The following BBOX1 variants were observed in gnomAD, a reference collection of about 807,000 sequenced individuals.
The protein encoded by BBOX1 is gamma-butyrobetaine dioxygenase.
In BBOX1, 35 loss-of-function variants were observed where a neutral mutation model predicts 41.6. The observed-to-expected ratio is 0.84, with a 90% CI of 0.64 to 1.11. The LOEUF is 1.11. Ranked by LOEUF, BBOX1 falls within the 50% of genes most tolerant of loss-of-function variation. BBOX1 has a pLI of 0.00. For synonymous variants in BBOX1, 163 were observed against 154.7 expected (o/e 1.05, Z -0.40); for missense variants, 458 against 460.6 (o/e 0.99, Z 0.05).
Position 27,055,424 on chromosome 11 carries a change from C to A in BBOX1, c.-7C>A. 6.2e-7 allele frequency: 1 copy of A among 1,611,770 alleles called. No homozygotes were observed. Among genetic ancestry groups the A allele is most frequent in the Non-Finnish European group, 8.5e-7 (1 of 1,179,038 alleles). On this transcript the variant is annotated 5_prime_UTR_variant, in exon 3 of 9. Transcript: ENST00000263182. ...GCTGACAGCATCTACTCCTGAAGAC[C>A]GGAAACATGGCTTGTACCATCCAAA...
intron 7 of BBOX1, 54 bp downstream of exon 7, chr11:27,119,899 T>G (rs1859404293): frequency 2.7e-6 from 3 of 1,114,338 alleles, no homozygotes; most frequent in African/African-American, 3.2e-5. Flanking sequence ...CAACAAAAGA[T>G]CCACTAATCT....
At chr11:27,075,379 A>G (rs7113071) in intron 4 of BBOX1, among the ~76,000 whole-genome samples, 137,314 of 152,130 alleles carry the variant, frequency 0.9, 62,173 homozygotes, top group East Asian at 0.94. Context: ...CCCCAATGGT[A>G]TGCACATTTT....
intron 5 of BBOX1, among the ~76,000 whole-genome samples, chr11:27,100,560 T>C (rs1445955487): frequency 6.6e-6 from 1 of 152,126 alleles, no homozygotes. Context: ...AAAATGTGTA[T>C]TCTAGTAAGT....
At chr11:27,112,602 TAAG>T (rs951843669) in intron 5 of BBOX1, among the ~76,000 whole-genome samples, 8 of 152,050 alleles carry the variant, frequency 5.3e-5, no homozygotes, top group African/African-American at 1.9e-4. Flanking sequence ...TGGATAGCCA[TAAG>T]AAGAAGATTG....
intron 2 of BBOX1, among the ~76,000 whole-genome samples, chr11:27,048,749 C>CTTTTT (rs35376713): frequency 7.5e-6 from 1 of 132,966 alleles, no homozygotes; most frequent in Non-Finnish European, 1.6e-5. Flanking sequence ...AATGGTAGTT[C>CTTTTT]TTTTTTTTTT....
intron 2 of BBOX1, among the ~76,000 whole-genome samples, chr11:27,048,541 GA>G (rs1851564731): frequency 6.6e-6 from 1 of 151,344 alleles, no homozygotes; most frequent in South Asian, 2.1e-4. Context: ...ATGATAGATA[GA>G]TAGATAGATA....
At chr11:27,073,179 A>G (rs1857515056) in intron 4 of BBOX1, among the ~76,000 whole-genome samples, 1 of 152,222 alleles carries the variant, frequency 6.6e-6, no homozygotes. Context: ...ACAAAGGGCT[A>G]ATATCCAGAA....
intron 5 of BBOX1, among the ~76,000 whole-genome samples, chr11:27,104,574 G>C (rs1401478380): frequency 6.6e-6 from 1 of 152,084 alleles, no homozygotes; most frequent in Non-Finnish European, 1.5e-5. Context: ...TTTCGTATTA[G>C]TTTAATGGAT....
chr11:27,070,229 G>A (rs1027356961), intron 4 of BBOX1, among the ~76,000 whole-genome samples: 2 of 152,102 alleles, frequency 1.3e-5, no homozygotes, highest in South Asian at 2.1e-4. Context: ...GTAAGAATGT[G>A]TGTTCTGCAG....
At chr11:27,095,871 G>A (rs1238025709) in intron 5 of BBOX1, among the ~76,000 whole-genome samples, 3 of 151,920 alleles carry the variant, frequency 2.0e-5, no homozygotes, top group Non-Finnish European at 4.4e-5. Flanking sequence ...TGAAGTCTGG[G>A]TAACGTAGAT....
At chr11:27,080,575 G>T (rs574025933) in intron 4 of BBOX1, among the ~76,000 whole-genome samples, 20 of 152,100 alleles carry the variant, frequency 1.3e-4, no homozygotes, top group African/African-American at 4.3e-4. Flanking sequence ...TTTACATTTT[G>T]GTAGAGAAAG....
intron 4 of BBOX1, among the ~76,000 whole-genome samples, chr11:27,060,976 T>G (rs1280289316): frequency 6.6e-6 from 1 of 152,206 alleles, no homozygotes; most frequent in African/African-American, 2.4e-5. Flanking sequence ...GTACCGATTG[T>G]CTGGGTCACA....
At chr11:27,099,334 G>C (rs1201185510) in intron 5 of BBOX1, among the ~76,000 whole-genome samples, 1 of 151,872 alleles carries the variant, frequency 6.6e-6, no homozygotes, top group Admixed American at 6.6e-5. Context: ...GGTTACACTG[G>C]TAAGAATAAT....
chr11:27,042,015 T>C (rs1851358844), intron 2 of BBOX1, among the ~76,000 whole-genome samples: 1 of 152,188 alleles, frequency 6.6e-6, no homozygotes, highest in Non-Finnish European at 1.5e-5. Flanking sequence ...ATGCACATCT[T>C]CAATTGTTTT....
At chr11:27,086,846 C>T (rs928336865) in intron 4 of BBOX1, among the ~76,000 whole-genome samples, 1 of 152,012 alleles carries the variant, frequency 6.6e-6, no homozygotes, top group Non-Finnish European at 1.5e-5. Flanking sequence ...AAAATACTAA[C>T]ATTAACAGGA....
chr11:27,094,285 T>G (rs1040060029), intron 5 of BBOX1, among the ~76,000 whole-genome samples: 2 of 151,930 alleles, frequency 1.3e-5, no homozygotes, highest in Admixed American at 6.6e-5. Flanking sequence ...TTCTTTAGAG[T>G]GAGTCCCTTA....
At chr11:27,099,281 T>C (rs1858557285) in intron 5 of BBOX1, among the ~76,000 whole-genome samples, 1 of 151,998 alleles carries the variant, frequency 6.6e-6, no homozygotes, top group Admixed American at 6.6e-5. Context: ...TAAGAATGTT[T>C]TATTTGCTGG....
chr11:27,122,813 C>T (rs570606165), intron 7 of BBOX1, among the ~76,000 whole-genome samples: 1 of 152,010 alleles, frequency 6.6e-6, no homozygotes, highest in East Asian at 1.9e-4. Context: ...TTGTTGGCAT[C>T]ATTGATAATG....
chr11:27,115,984 G>A (rs1232078170), intron 6 of BBOX1, among the ~76,000 whole-genome samples: 4 of 151,920 alleles, frequency 2.6e-5, no homozygotes, highest in Non-Finnish European at 5.9e-5. Flanking sequence ...AACTACTGCT[G>A]CATTAAAACT....
Sources: gnomAD v4.1 joint callset for allele counts (sites outside exome capture counted in the v4.1 genomes callset) on GRCh38, gnomAD v4.1.1 for gene constraint, MANE v1.5 for transcripts, NCBI Gene and HGNC (gene_info 2026-07-23, HGNC 2026-07-21) for gene names.